Variants in APOL4 observed in about 807,000 individuals in gnomAD.
The protein encoded by APOL4 is apolipoprotein L4.
APOL4 carries 14 observed loss-of-function variants against 12.1 expected under a neutral mutation model. The ratio of observed to expected loss-of-function variants is 1.16; its 90% CI spans 0.76 to 1.81. APOL4 has a LOEUF of 1.81. Among genes scored for constraint, APOL4 ranks in the 40% most tolerant of loss-of-function variants. The pLI, the probability that APOL4 is intolerant of heterozygous loss-of-function variation, is 0.00. For synonymous variants in APOL4, 171 were observed against 160.6 expected, an observed-to-expected ratio of 1.06 and a Z score of -0.49; for missense variants, 432 against 423.1, an observed-to-expected ratio of 1.02 and a Z score of -0.18.
chr22:36,204,017 T>C (rs1290867160), upstream of APOL4, among the ~76,000 whole-genome samples: 1 of 151,600 alleles, frequency 6.6e-6, no homozygotes, highest in South Asian at 2.1e-4. Flanking sequence ...AGACATGGAG[T>C]CCTATGATCT....
chr22:36,196,547 A>G (rs1362265864), intron 2 of APOL4, among the ~76,000 whole-genome samples: 15 of 152,246 alleles, frequency 9.9e-5, no homozygotes, highest in African/African-American at 3.6e-4. Context: ...GCATCTTAGT[A>G]CACAGCAGGA....
At chr22:36,202,558 T>C (rs2014614615), upstream of APOL4, among the ~76,000 whole-genome samples, 1 of 152,010 alleles carries the variant, frequency 6.6e-6, no homozygotes, top group Non-Finnish European at 1.5e-5. Flanking sequence ...AAACCCCATC[T>C]CTACTAAAAA....
chr22:36,192,062 C>G (rs769553313), intron 3 of APOL4, 150 bp from the exon 4 acceptor site: 1 of 814,008 alleles, frequency 1.2e-6, no homozygotes, highest in South Asian at 2.1e-5. Context: ...TTTTCAAGGC[C>G]GGGCGCGGTG....
At chr22:36,193,023 C>A (rs185816562) in intron 3 of APOL4, among the ~76,000 whole-genome samples, 1 of 152,188 alleles carries the variant, frequency 6.6e-6, no homozygotes, top group Non-Finnish European at 1.5e-5. Flanking sequence ...GGGCCTGCAC[C>A]GCCCCAGCTC....
At chr22:36,198,972 C>T (rs926044133) in intron 2 of APOL4, among the ~76,000 whole-genome samples, 6 of 152,198 alleles carry the variant, frequency 3.9e-5, no homozygotes, top group African/African-American at 1.4e-4. Flanking sequence ...AACCTCCTCT[C>T]CCACCCCTCC....
upstream of APOL4, chr22:36,201,973 G>A (rs767857814): frequency 6.2e-7 from 1 of 1,614,066 alleles, no homozygotes; most frequent in East Asian, 2.2e-5. Context: ...TCCCACCTCA[G>A]GGCTCTGAGC....
upstream of APOL4, chr22:36,201,812 T>C (rs2014590556): frequency 2.5e-6 from 4 of 1,573,760 alleles, no homozygotes; most frequent in African/African-American, 2.7e-5. Flanking sequence ...TACTGACTGT[T>C]AGCCTCAACT....
At chr22:36,201,241 C>T (rs2014563681) in intron 1 of APOL4, among the ~76,000 whole-genome samples, 1 of 150,670 alleles carries the variant, frequency 6.6e-6, no homozygotes, top group African/African-American at 2.5e-5. Context: ...CTGCGCACTC[C>T]CTGGCACACC....
At chr22:36,201,667 C>A (rs751946219) in intron 1 of APOL4, 33 bp downstream of exon 1, 133 of 1,583,722 alleles carry the variant, frequency 8.4e-5, no homozygotes, top group African/African-American at 1.4e-5. Flanking sequence ...AGCAGAGGAG[C>A]AGGAGGGCAG....
rs1054735274 is a variant in APOL4, at chr22:36,190,170, G to A, written c.*905C>T. On this transcript the variant is annotated 3_prime_UTR_variant, in exon 4 of 4. Transcript: ENST00000683024. Reference sequence around the variant, plus strand: ...GCCTCACAAGCCGCAAAACCAGCAAGTTTTTATTAGGGACTTTCAAAAGGG... The same window carrying A: ...GCCTCACAAGCCGCAAAACCAGCAAATTTTTATTAGGGACTTTCAAAAGGG... 6.6e-6 allele frequency: 1 copy of A among 151,964 alleles called. No individual in the cohort carries two copies. Among genetic ancestry groups the A allele is most frequent in the Admixed American group, 6.6e-5 (1 of 15,254 alleles). 9.4% of individuals were successfully genotyped at this position (151,964 alleles called of 1,614,324 possible). A position where few individuals can be genotyped will look rare whatever the true frequency, so the allele number is the denominator to read the frequency against.
At chr22:36,203,413 AT>A (rs750539196), upstream of APOL4, among the ~76,000 whole-genome samples, 7 of 152,224 alleles carry the variant, frequency 4.6e-5, no homozygotes, top group Non-Finnish European at 1.0e-4. Context: ...TTAACATAAC[AT>A]TCGTATGTAG....
intron 3 of APOL4, 24 bp downstream of exon 3, chr22:36,195,287 A>T (rs1383975363): frequency 6.2e-7 from 1 of 1,608,644 alleles, no homozygotes; most frequent in East Asian, 2.2e-5. Context: ...GGGTGCCCCA[A>T]GGAGGTAACC....
rs60642638 is a variant in APOL4, at chr22:36,200,775, C to T, written c.35+925G>A. On this transcript the variant is annotated intron_variant, in intron 1 of 3. Transcript: ENST00000683024. ...TCAAACTAGCAGTATATGAAGATGC[C>T]CATTCTTTCAGTCTTACTGGCTCTC... Among the ~76,000 whole-genome samples, 1,374 of 152,234 alleles carry T rather than the reference C, an allele frequency of 9.0e-3. 24 individuals carry two copies. The highest frequency in any genetic ancestry group is 0.031 in the African/African-American group (1,306 of 41,524).
chr22:36,197,243 A>G (rs1209942805), intron 2 of APOL4, among the ~76,000 whole-genome samples: 2 of 152,152 alleles, frequency 1.3e-5, no homozygotes, highest in Non-Finnish European at 2.9e-5. Flanking sequence ...GACAGGACTC[A>G]GCACAGCCCA....
upstream of APOL4, chr22:36,201,975 G>C: frequency 6.2e-7 from 1 of 1,614,074 alleles, no homozygotes; most frequent in Middle Eastern, 1.6e-4. Flanking sequence ...CCACCTCAGG[G>C]CTCTGAGCCA....
Position 36,191,427 on chromosome 22 carries a change from T to C in APOL4, c.695A>G (p.Asp232Gly), listed in dbSNP as rs373405344. Reference protein sequence around the residue: ...ITPNVLSFALDFDEATKMIAN... With the variant: ...ITPNVLSFALGFDEATKMIAN... ...AATCATTTTTGTGGCTTCGTCAAAA[T>C]CAAGTGCAAAAGAAAGCACATTGGG... is the stretch of plus-strand genomic sequence containing the variant. Residue 232 changes from aspartate (D) to glycine (G), a missense_variant, in exon 4 of 4, where the codon GAT (aspartate) becomes GGT (glycine). By Grantham distance (94) the Asp-to-Gly change is moderately conservative. Coordinates refer to ENST00000683024, the MANE Select transcript of APOL4 (RefSeq NM_001386885.1). 22 of 1,613,940 alleles carry C rather than the reference T, an allele frequency of 1.4e-5. No individual in the cohort carries two copies. The highest frequency in any genetic ancestry group is 1.1e-4 in the African/African-American group (8 of 74,936).
intron 3 of APOL4, chr22:36,194,974 A>G: frequency 5.4e-6 from 1 of 186,574 alleles, no homozygotes; most frequent in Admixed American, 5.5e-5. Flanking sequence ...TCATTATGCT[A>G]AATACTTTAC....
chr22:36,201,478 G>A (rs185401383), intron 1 of APOL4: 935 of 915,994 alleles, frequency 1.0e-3, no homozygotes, highest in Admixed American at 2.7e-3. Context: ...CCAGTCCTGG[G>A]CAGCATTCAC....
chr22:36,189,761 C>A lies in APOL4; in HGVS notation c.*1314G>T. ...CTTTCCATTCCCCACACTCTCCAGT[C>A]CCCTCTCCTCCCTTATTCCAGGCCC... On this transcript the variant is annotated 3_prime_UTR_variant, in exon 4 of 4. Coordinates refer to ENST00000683024, the MANE Select transcript of APOL4 (RefSeq NM_001386885.1). 2 of 152,990 alleles carry A rather than the reference C, an allele frequency of 1.3e-5. No homozygotes were observed. The highest frequency in any genetic ancestry group is 3.7e-4 in the South Asian group (2 of 5,414). 9.5% of individuals were successfully genotyped at this position (152,990 alleles called of 1,614,324 possible). A position where few individuals can be genotyped will look rare whatever the true frequency, so the allele number is the denominator to read the frequency against.
Sources: allele counts gnomAD v4.1 joint callset (sites outside exome capture counted in the v4.1 genomes callset), GRCh38; gene constraint gnomAD v4.1.1; transcripts MANE v1.5; gene names NCBI Gene and HGNC (gene_info 2026-07-23, HGNC 2026-07-21).